The following TAFA4 variants were observed in gnomAD, a reference collection of about 807,000 sequenced individuals.
TAFA4 encodes the protein TAFA chemokine like family member 4, also known as chemokine-like protein TAFA-4.
TAFA4 carries 20 observed loss-of-function variants against 21.1 expected under a neutral mutation model. That is an observed-to-expected ratio of 0.95 (90% CI 0.67 to 1.38). The LOEUF is 1.38. Among genes scored for constraint, TAFA4 ranks in the 40% most tolerant of loss-of-function variants. TAFA4 has a pLI of 0.00. For missense variants in TAFA4, 211 were observed against 180.9 expected (o/e 1.17, Z -0.95); for synonymous variants, 71 against 67.4 (o/e 1.05, Z -0.26).
chr3:68,825,445 T>G (rs1170796824), intron 3 of TAFA4, among the ~76,000 whole-genome samples: 1 of 151,668 alleles, frequency 6.6e-6, no homozygotes, highest in East Asian at 1.9e-4. Context: ...ATTATTCTAT[T>G]ATAAAGATAC....
At chr3:68,830,373 T>C (rs569074806) in intron 3 of TAFA4, among the ~76,000 whole-genome samples, 13 of 152,362 alleles carry the variant, frequency 8.5e-5, no homozygotes, top group African/African-American at 3.1e-4. Context: ...GTTCCAGAGA[T>C]TCTGGTACAT....
At chr3:68,832,149 G>A (rs1181761144) in intron 3 of TAFA4, among the ~76,000 whole-genome samples, 2 of 152,094 alleles carry the variant, frequency 1.3e-5, no homozygotes, top group East Asian at 1.9e-4. Flanking sequence ...TGGAGAGCTT[G>A]TTATTACCCA....
chr3:68,852,792 C>T (rs1467565604), intron 3 of TAFA4, among the ~76,000 whole-genome samples: 3 of 152,044 alleles, frequency 2.0e-5, no homozygotes, highest in Non-Finnish European at 2.9e-5. Context: ...AGCATTGTCA[C>T]CTACTAAAAA....
At chr3:68,870,528 C>T (rs947929556) in intron 3 of TAFA4, among the ~76,000 whole-genome samples, 2 of 152,030 alleles carry the variant, frequency 1.3e-5, no homozygotes, top group African/African-American at 4.8e-5. Flanking sequence ...GAACAGAATA[C>T]AGAACCCAGA....
intron 3 of TAFA4, among the ~76,000 whole-genome samples, chr3:68,864,722 G>A (rs185600313): frequency 7.2e-5 from 11 of 152,202 alleles, no homozygotes; most frequent in East Asian, 1.9e-4. Flanking sequence ...GATAAACAAC[G>A]TGTGGCACAT....
At chr3:68,847,899 A>G (rs1298506040) in intron 3 of TAFA4, among the ~76,000 whole-genome samples, 1 of 152,236 alleles carries the variant, frequency 6.6e-6, no homozygotes, top group Non-Finnish European at 1.5e-5. Context: ...AGTGAAATAA[A>G]TCCATGCAGA....
chr3:68,796,479 A>T (rs1377798325), intron 3 of TAFA4, among the ~76,000 whole-genome samples: 2 of 152,158 alleles, frequency 1.3e-5, no homozygotes, highest in African/African-American at 2.4e-5. Context: ...TATTTTTAAA[A>T]TCTATATATG....
intron 1 of TAFA4, among the ~76,000 whole-genome samples, chr3:68,910,830 A>C (rs1406853202): frequency 6.6e-6 from 1 of 152,224 alleles, no homozygotes; most frequent in Non-Finnish European, 1.5e-5. Flanking sequence ...TCTCATGTGC[A>C]ATCAGATTCC....
At chr3:68,748,564 G>A (rs1448388786) in intron 4 of TAFA4, among the ~76,000 whole-genome samples, 2 of 152,004 alleles carry the variant, frequency 1.3e-5, no homozygotes, top group East Asian at 1.9e-4. Flanking sequence ...AACATGGGGA[G>A]ACCCCCGTCT....
intron 3 of TAFA4, among the ~76,000 whole-genome samples, chr3:68,785,090 G>A (rs1181541623): frequency 3.9e-5 from 6 of 151,916 alleles, no homozygotes; most frequent in East Asian, 3.9e-4. Flanking sequence ...ACAAAGTGTC[G>A]ATTGGTGCAT....
chr3:68,858,701 T>G (rs1196593846), intron 3 of TAFA4, among the ~76,000 whole-genome samples: 1 of 151,774 alleles, frequency 6.6e-6, no homozygotes, highest in Non-Finnish European at 1.5e-5. Context: ...CTGAGGAAAC[T>G]AGTGTTCAGA....
At chr3:68,922,272 C>T (rs2090067002) in intron 1 of TAFA4, among the ~76,000 whole-genome samples, 1 of 152,208 alleles carries the variant, frequency 6.6e-6, no homozygotes, top group African/African-American at 2.4e-5. Context: ...TCATCCCAGA[C>T]TTATTGAATC....
chr3:68,840,267 G>T (rs561162184), intron 3 of TAFA4, among the ~76,000 whole-genome samples: 1 of 152,336 alleles, frequency 6.6e-6, no homozygotes, highest in East Asian at 1.9e-4. Context: ...TAGTGCAGTG[G>T]TGCAAACACA....
intron 1 of TAFA4, among the ~76,000 whole-genome samples, chr3:68,928,814 A>G (rs1310610472): frequency 6.6e-6 from 1 of 152,174 alleles, no homozygotes; most frequent in Non-Finnish European, 1.5e-5. Flanking sequence ...GCACTGGGCT[A>G]GGAATTAGGA....
At chr3:68,788,852 G>A (rs1248775444) in intron 3 of TAFA4, among the ~76,000 whole-genome samples, 2 of 152,042 alleles carry the variant, frequency 1.3e-5, no homozygotes, top group Admixed American at 6.5e-5. Flanking sequence ...TTGAACTCCT[G>A]GGCTCAAGCT....
intron 3 of TAFA4, among the ~76,000 whole-genome samples, chr3:68,772,113 T>C (rs544200553): frequency 1.3e-5 from 2 of 152,156 alleles, no homozygotes; most frequent in South Asian, 4.1e-4. Flanking sequence ...AGGGATGACA[T>C]AAAATAGATG....
intron 3 of TAFA4, among the ~76,000 whole-genome samples, chr3:68,807,133 C>T (rs976994577): frequency 1.3e-5 from 2 of 152,204 alleles, no homozygotes; most frequent in African/African-American, 4.8e-5. Flanking sequence ...GCTGATCGGT[C>T]TAGGGCAGCT....
chr3:68,809,437 T>G (rs1413588075), intron 3 of TAFA4, among the ~76,000 whole-genome samples: 1 of 152,204 alleles, frequency 6.6e-6, no homozygotes, highest in East Asian at 1.9e-4. Flanking sequence ...CAATATGATT[T>G]GTTTGTGATT....
chr3:68,804,517 G>C (rs1165945275), intron 3 of TAFA4, among the ~76,000 whole-genome samples: 6 of 152,154 alleles, frequency 3.9e-5, no homozygotes, highest in Non-Finnish European at 8.8e-5. Flanking sequence ...AAAGAACAAA[G>C]CTGGAGGCAG....
Sources: gnomAD v4.1 joint callset for allele counts (sites outside exome capture counted in the v4.1 genomes callset) on GRCh38, gnomAD v4.1.1 for gene constraint, MANE v1.5 for transcripts, NCBI Gene and HGNC (gene_info 2026-07-23, HGNC 2026-07-21) for gene names.